GSDMC: variants seen among roughly 807,000 people sequenced by gnomAD.
The protein encoded by GSDMC is gasdermin-C.
GSDMC carries 59 observed loss-of-function variants against 58.0 expected under a neutral mutation model. The observed-to-expected ratio is 1.02, with a 90% CI of 0.82 to 1.26. The LOEUF (loss-of-function observed/expected upper bound fraction) is 1.26, where lower values mean the gene tolerates loss of function less well. Ranked by LOEUF, GSDMC falls within the 50% of genes most tolerant of loss-of-function variation. The probability of loss-of-function intolerance (pLI) is 0.00; values close to 1 mark genes in which losing one functional copy is unlikely to be tolerated. For missense variants in GSDMC, 659 were observed against 598.5 expected (o/e 1.10, Z -1.06); for synonymous variants, 241 against 220.2 (o/e 1.09, Z -0.83).
chr8:129,765,657 T>A lies in GSDMC; in HGVS notation c.541A>T (p.Lys181Ter). The A allele has an allele frequency of 6.2e-7, 1 of 1,613,740 alleles. No homozygotes were observed. Among genetic ancestry groups the A allele is most frequent in the Non-Finnish European group, 8.5e-7 (1 of 1,179,672 alleles). The change falls in exon 4 of 14, where the codon AAA becomes TAA. Residue 181 changes from lysine (K) to a stop codon, truncating the protein, a stop_gained. Coordinates refer to ENST00000276708, the MANE Select transcript of GSDMC (RefSeq NM_031415.3). LOFTEE classifies it high-confidence loss of function. ...CCATAGGTAATCCAAAGAGCAATTT[T>A]CCCTAAAATATTCACACTACTGCTA... The part of the protein sequence containing the change: ...YDSSSVNILG[K>*]IALWITYGKG...
At chr8:129,764,322 G>A (rs746195955) in intron 4 of GSDMC, among the ~76,000 whole-genome samples, 1 of 152,028 alleles carries the variant, frequency 6.6e-6, no homozygotes, top group Non-Finnish European at 1.5e-5. Context: ...AGTGGTTGGG[G>A]TTTTTTTAGT....
chr8:129,743,318 TA>T (rs776279436), downstream of GSDMC, among the ~76,000 whole-genome samples: 1 of 152,208 alleles, frequency 6.6e-6, no homozygotes, highest in Non-Finnish European at 1.5e-5. Flanking sequence ...TACTATATCT[TA>T]AATTTCATTT....
chr8:129,768,998 A>G (rs1441171477), intron 3 of GSDMC, among the ~76,000 whole-genome samples: 2 of 152,134 alleles, frequency 1.3e-5, no homozygotes, highest in Non-Finnish European at 2.9e-5. Flanking sequence ...GGATCACTTC[A>G]GCCCAGGAGG....
chr8:129,747,067 T>A (rs1344954632), downstream of GSDMC, among the ~76,000 whole-genome samples: 1 of 149,952 alleles, frequency 6.7e-6, no homozygotes, highest in East Asian at 2.0e-4. Context: ...CCGGCCAACA[T>A]GGTGAAACCC....
chr8:129,746,072 G>A (rs2032955941), downstream of GSDMC, among the ~76,000 whole-genome samples: 1 of 152,164 alleles, frequency 6.6e-6, no homozygotes, highest in Non-Finnish European at 1.5e-5. Context: ...TGAGCATGGT[G>A]CGGGGTAGGG....
intron 6 of GSDMC, among the ~76,000 whole-genome samples, chr8:129,759,333 C>T (rs1480217659): frequency 1.3e-5 from 2 of 152,090 alleles, no homozygotes; most frequent in East Asian, 1.9e-4. Context: ...ACTCCACAAG[C>T]ACTGGCAACT....
At chr8:129,767,511 C>T (rs2033903590) in intron 3 of GSDMC, among the ~76,000 whole-genome samples, 3 of 150,582 alleles carry the variant, frequency 2.0e-5, no homozygotes, top group South Asian at 2.1e-4. Flanking sequence ...AGCCTTGAAG[C>T]TCTGCCTGCA....
At chr8:129,776,419 C>T (rs1279014900) in intron 2 of GSDMC, 134 bp from the exon 3 acceptor site, 2 of 600,354 alleles carry the variant, frequency 3.3e-6, no homozygotes, top group African/African-American at 3.8e-5. Flanking sequence ...CTCACTTAAA[C>T]TCTGTTGAAA....
At chr8:129,751,993 G>C in intron 8 of GSDMC, 102 bp from the exon 9 acceptor site, 1 of 1,454,706 alleles carries the variant, frequency 6.9e-7, no homozygotes, top group South Asian at 1.1e-5. Flanking sequence ...ATCTGTTCCT[G>C]CCCTTTTCCC....
intron 3 of GSDMC, among the ~76,000 whole-genome samples, chr8:129,767,481 C>T (rs1033233231): frequency 1.3e-5 from 2 of 152,086 alleles, no homozygotes; most frequent in African/African-American, 2.4e-5. Flanking sequence ...CATGAAGGAG[C>T]CTGATCAAGA....
intron 1 of GSDMC, among the ~76,000 whole-genome samples, chr8:129,784,511 T>C (rs567787375): frequency 6.6e-6 from 1 of 152,240 alleles, no homozygotes; most frequent in South Asian, 2.1e-4. Flanking sequence ...CATTATTAGT[T>C]ATCAGAAAAA....
chr8:129,784,554 A>G (rs1202519746), intron 1 of GSDMC, among the ~76,000 whole-genome samples: 1 of 152,230 alleles, frequency 6.6e-6, no homozygotes, highest in Non-Finnish European at 1.5e-5. Flanking sequence ...ATATCATCTC[A>G]CCCCTGTTAA....
chr8:129,749,354 C>CA (rs1257405578), intron 13 of GSDMC, 98 bp downstream of exon 13: 1 of 890,298 alleles, frequency 1.1e-6, no homozygotes, highest in African/African-American at 1.6e-5. Flanking sequence ...CCCCTCCCAG[C>CA]AAAAACCTGT....
intron 1 of GSDMC, 84 bp from the exon 2 acceptor site, chr8:129,777,675 G>A: frequency 1.3e-6 from 1 of 759,848 alleles, no homozygotes; most frequent in Non-Finnish European, 2.3e-6. Context: ...TTCCCCTAAA[G>A]GAAAAGATCT....
intron 4 of GSDMC, 151 bp downstream of exon 4, chr8:129,765,477 G>A (rs2130468295): frequency 1.5e-6 from 1 of 679,638 alleles, no homozygotes; most frequent in South Asian, 1.7e-5. Flanking sequence ...CAGAAGTCAG[G>A]ATACATCAAC....
At chr8:129,753,634 C>A (rs2033311365) in intron 6 of GSDMC, among the ~76,000 whole-genome samples, 1 of 152,190 alleles carries the variant, frequency 6.6e-6, no homozygotes, top group African/African-American at 2.4e-5. Context: ...AAAGAGGAGG[C>A]TTTGCCTTGC....
At chr8:129,728,576 G>T in the GSDMC span, among the ~76,000 whole-genome samples, 1 of 152,208 alleles carries the variant, frequency 6.6e-6, no homozygotes, top group Non-Finnish European at 1.5e-5. Context: ...CCTCCCCCCA[G>T]GGGCTAAGCA....
At chr8:129,770,748 A>G (rs939489339) in intron 3 of GSDMC, among the ~76,000 whole-genome samples, 1 of 152,036 alleles carries the variant, frequency 6.6e-6, no homozygotes, top group Non-Finnish European at 1.5e-5. Context: ...TAAAAGTCAT[A>G]AAACAATTAA....
chr8:129,754,413 C>G (rs1331138286), intron 6 of GSDMC, among the ~76,000 whole-genome samples: 1 of 152,238 alleles, frequency 6.6e-6, no homozygotes, highest in Non-Finnish European at 1.5e-5. Context: ...AGCAGAACCT[C>G]TATGAGTCTG....
Sources: allele counts gnomAD v4.1 joint callset (sites outside exome capture counted in the v4.1 genomes callset), GRCh38; gene constraint gnomAD v4.1.1; transcripts MANE v1.5; gene names NCBI Gene and HGNC (gene_info 2026-07-23, HGNC 2026-07-21).